Variants in USH2A observed in about 807,000 individuals in gnomAD.
USH2A encodes usherin.
Under a neutral mutation model 538.9 loss-of-function variants are expected in USH2A, and 443 were observed. That is an observed-to-expected ratio of 0.82 (90% confidence interval 0.76 to 0.89). The LOEUF (loss-of-function observed/expected upper bound fraction) is 0.89. Among genes scored for constraint, USH2A ranks in the 40% least tolerant of loss-of-function variants. The pLI, the probability that USH2A is intolerant of heterozygous loss-of-function variation, is 0.00. For synonymous variants in USH2A, 2,413 were observed against 2,273.5 expected (o/e 1.06, Z -1.75); for missense variants, 6,633 against 6,324.8 (o/e 1.05, Z -1.65).
At chr1:215,714,725 C>A (rs1659433806) in intron 61 of USH2A, among the ~76,000 whole-genome samples, 1 of 152,152 alleles carries the variant, frequency 6.6e-6, no homozygotes, top group African/African-American at 2.4e-5. Flanking sequence ...TTTCCTTTAA[C>A]AAACTGTGTT....
chr1:215,693,116 G>GTATATATA lies in USH2A; in HGVS notation c.12067-12748_12067-12741dup, dbSNP rs1553253927. Among the ~76,000 whole-genome samples the GTATATATA allele has an allele frequency of 3.0e-3, 400 of 133,486 alleles. 1 individual carries two copies. The highest frequency in any genetic ancestry group is 0.011 in the East Asian group (45 of 4,214). 87.6% of individuals were successfully genotyped at this position (133,486 alleles called of 152,430 possible). On this transcript the variant is annotated intron_variant, in intron 61 of 71. Transcript: ENST00000307340. ...TATGTGTGTGTGTGTGTGTGTATGT[G>GTATATATA]TATATATATATATATATACACACAC...
At chr1:215,707,203 G>T (rs1295325814) in intron 61 of USH2A, among the ~76,000 whole-genome samples, 3 of 152,102 alleles carry the variant, frequency 2.0e-5, no homozygotes, top group Non-Finnish European at 4.4e-5. Context: ...GCTTATCTTA[G>T]CAGAGAGGCA....
chr1:215,721,958 G>A (rs1659673773), intron 61 of USH2A, among the ~76,000 whole-genome samples: 1 of 151,890 alleles, frequency 6.6e-6, no homozygotes, highest in Admixed American at 6.6e-5. Flanking sequence ...CCAGCTACTT[G>A]GGAGGCTGAG....
chr1:216,122,877 C>CT (rs947247469), intron 21 of USH2A, among the ~76,000 whole-genome samples: 4 of 152,116 alleles, frequency 2.6e-5, no homozygotes, highest in African/African-American at 9.7e-5. Flanking sequence ...TAGAAAATTG[C>CT]TTTTTATCAA....
chr1:215,878,714 A>G lies in USH2A; in HGVS notation c.8558+50T>C, dbSNP rs1242726324. On this transcript the variant is annotated intron_variant, in intron 42 of 71. Transcript: ENST00000307340. ...AGCCTCCTTCATTTCCCTACTTCTC[A>G]GAGAGATAAGGACTACAGCAACATA... 4 of 1,578,928 alleles carry G rather than the reference A, an allele frequency of 2.5e-6. No individual in the cohort carries two copies. In the African/African-American group the frequency reaches 4.0e-5, roughly 16 times the overall value.
Position 216,369,555 on chromosome 1 carries a change from C to T in USH2A, c.652-4470G>A, listed in dbSNP as rs374438125. On this transcript the variant is annotated intron_variant, in intron 3 of 71. Coordinates refer to ENST00000307340, the MANE Select transcript of USH2A (RefSeq NM_206933.4). ...TTTTTCAAAACACACATCTCAAGTCCTCTCTTCTCCAATAATCCTTTGCCA... is the reference window on the plus strand; with the variant it reads ...TTTTTCAAAACACACATCTCAAGTCTTCTCTTCTCCAATAATCCTTTGCCA... 1.1e-4 allele frequency among the ~76,000 whole-genome samples: 16 copies of T among 152,244 alleles called. 1 individual carries two copies. The highest frequency in any genetic ancestry group is 3.9e-4 in the Admixed American group (6 of 15,294).
intron 37 of USH2A, among the ~76,000 whole-genome samples, chr1:215,937,767 A>G (rs1214612800): frequency 6.6e-6 from 1 of 152,176 alleles, no homozygotes; most frequent in South Asian, 2.1e-4. Flanking sequence ...GCAACAATGG[A>G]AATTCTAAAA....
At chr1:216,228,568 G>T (rs1301606977) in intron 14 of USH2A, among the ~76,000 whole-genome samples, 2 of 152,138 alleles carry the variant, frequency 1.3e-5, no homozygotes, top group Non-Finnish European at 2.9e-5. Flanking sequence ...AAAAAGGGGA[G>T]TTTCCCTGCA....
At chr1:216,062,378 G>A (rs1345617885) in intron 30 of USH2A, among the ~76,000 whole-genome samples, 1 of 152,088 alleles carries the variant, frequency 6.6e-6, no homozygotes, top group Admixed American at 6.6e-5. Context: ...GACTGAACTA[G>A]AAGAATTAAA....
chr1:216,104,108 G>A (rs2032663002), intron 21 of USH2A, among the ~76,000 whole-genome samples: 1 of 151,102 alleles, frequency 6.6e-6, no homozygotes, highest in African/African-American at 2.4e-5. Flanking sequence ...GGGTACATGT[G>A]CACAACGTGC....
chr1:215,720,546 C>A (rs1659625656), intron 61 of USH2A, among the ~76,000 whole-genome samples: 1 of 152,146 alleles, frequency 6.6e-6, no homozygotes, highest in South Asian at 2.1e-4. Flanking sequence ...TTTCATCCAG[C>A]ATGATAGGTC....
At position 215,904,506 on chromosome 1, in the gene USH2A, C is replaced by T. The variant is rs914458881; in HGVS notation, c.7301-3601G>A. Among the ~76,000 whole-genome samples the T allele has an allele frequency of 4.6e-5, 7 of 152,150 alleles. No individual in the cohort carries two copies. In the South Asian group the frequency reaches 6.2e-4, roughly 14 times the overall value. The stretch of plus-strand genomic sequence containing the variant: ...AAACCTTCCTTTCCCCTCTGTTTAA[C>T]CCCTTTTATCCTAGATTTAATCCTT... On this transcript the variant is annotated intron_variant, in intron 38 of 71. Transcript: ENST00000307340.
In USH2A at chr1:215,728,173, C is replaced by T. The variant is rs372327495; in HGVS notation, c.11923G>A (p.Ala3975Thr). The T allele has an allele frequency of 8.4e-5, 136 of 1,614,034 alleles. No individual in the cohort carries two copies. Among genetic ancestry groups the T allele is most frequent in the Middle Eastern group, 1.6e-4 (1 of 6,084 alleles). The change falls in exon 61 of 72, where the codon GCC becomes ACC. Residue 3975 changes from alanine to threonine, a missense_variant. Coordinates refer to ENST00000307340, the MANE Select transcript of USH2A (RefSeq NM_206933.4). ...AACAGAACTGAATGAGCACTCGTGG[C>T]TTGAGCCCAAGGAGCTGGAAAATCT... ...PQDFPAPWAQ[A>T]TSAHSVLLNW... is the part of the protein sequence containing the mutation.
Position 215,743,307 on chromosome 1 carries a change from C to T in USH2A, c.11418G>A (p.Glu3806=). 6.2e-7 allele frequency: 1 copy of T among 1,606,076 alleles called. No homozygotes were observed. The highest frequency in any genetic ancestry group is 1.1e-5 in the South Asian group (1 of 90,820). Residue 3806 remains glutamate (E), a synonymous_variant, in exon 59 of 72, where the codon GAG becomes GAA. Transcript: ENST00000307340. The part of the protein sequence containing the change: ...PGILIPEIPV[E]YNVLLNDGSV... ...TTCCATCATTGAGTAAGACATTGTA[C>T]TCCACAGGAATTTCGGGGATGAGGA... is the stretch of plus-strand genomic sequence containing the variant.
At chr1:215,848,424 T>C (rs894779850) in intron 44 of USH2A, among the ~76,000 whole-genome samples, 6 of 152,182 alleles carry the variant, frequency 3.9e-5, no homozygotes, top group African/African-American at 1.4e-4. Flanking sequence ...CACTATCAAG[T>C]TCCAATTAAT....
intron 11 of USH2A, among the ~76,000 whole-genome samples, chr1:216,264,775 A>G (rs2036440427): frequency 6.6e-6 from 1 of 152,182 alleles, no homozygotes; most frequent in Non-Finnish European, 1.5e-5. Context: ...ATTTACTGCC[A>G]ACGGGTTTTC....
At chr1:216,121,775 T>C (rs1337259415) in intron 21 of USH2A, among the ~76,000 whole-genome samples, 1 of 152,234 alleles carries the variant, frequency 6.6e-6, no homozygotes, top group African/African-American at 2.4e-5. Flanking sequence ...GTTAGACTAT[T>C]TGAGGAATAA....
intron 61 of USH2A, among the ~76,000 whole-genome samples, chr1:215,701,577 C>T (rs1659017194): frequency 6.6e-6 from 1 of 152,134 alleles, no homozygotes; most frequent in South Asian, 2.1e-4. Flanking sequence ...ATGTAATTCC[C>T]TTCTATGTCT....
intron 3 of USH2A, among the ~76,000 whole-genome samples, chr1:216,412,365 C>T (rs941873984): frequency 4.6e-5 from 7 of 152,026 alleles, no homozygotes; most frequent in African/African-American, 1.7e-4. Context: ...GAAGTGCTTC[C>T]TTCTTTGTAT....
Sources: allele counts gnomAD v4.1 joint callset (sites outside exome capture counted in the v4.1 genomes callset), GRCh38; gene constraint gnomAD v4.1.1; transcripts MANE v1.5; gene names NCBI Gene and HGNC (gene_info 2026-07-23, HGNC 2026-07-21).